The following OPRD1 variants were observed in gnomAD, a reference collection of about 807,000 sequenced individuals.
The protein encoded by OPRD1 is delta-type opioid receptor.
A neutral mutation model predicts 17.5 loss-of-function variants in OPRD1; 19 were observed. The observed-to-expected ratio is 1.09, with a 90% CI of 0.76 to 1.60. OPRD1 has a LOEUF of 1.60. Ranked by LOEUF, OPRD1 falls within the 40% of genes most tolerant of loss-of-function variation. The probability of loss-of-function intolerance (pLI) is 0.00; values close to 1 mark genes in which losing one functional copy is unlikely to be tolerated. For synonymous variants in OPRD1, 256 were observed against 240.9 expected (o/e 1.06, Z -0.58); for missense variants, 483 against 547.2 (o/e 0.88, Z 1.17).
Position 28,812,572 on chromosome 1 carries a change from G to A in OPRD1, c.189G>A (p.Gly63=). The A allele has an allele frequency of 6.4e-7, 1 of 1,574,440 alleles. No individual in the cohort carries two copies. Among genetic ancestry groups the A allele is most frequent in the Non-Finnish European group, 8.6e-7 (1 of 1,167,132 alleles). The stretch of plus-strand genomic sequence containing the variant: ...TCTACTCGGCCGTGTGCGCCGTGGG[G>A]CTGCTGGGCAACGTGCTTGTCATGT... ...TALYSAVCAV[G]LLGNVLVMFG... Residue 63 remains glycine (G), a synonymous_variant, in exon 1 of 3, where the codon GGG becomes GGA. Coordinates refer to ENST00000234961, the MANE Select transcript of OPRD1 (RefSeq NM_000911.4).
intron 1 of OPRD1, among the ~76,000 whole-genome samples, chr1:28,832,218 A>G (rs2088812871): frequency 6.6e-6 from 1 of 152,316 alleles, no homozygotes; most frequent in Non-Finnish European, 1.5e-5. Flanking sequence ...GAGCAGACTT[A>G]TTTGTAATGT....
At chr1:28,834,561 A>G (rs2088834341) in intron 1 of OPRD1, among the ~76,000 whole-genome samples, 1 of 150,920 alleles carries the variant, frequency 6.6e-6, no homozygotes, top group African/African-American at 2.4e-5. Context: ...TAAATTTTTG[A>G]TAAAGATAAG....
chr1:28,850,010 T>G lies in OPRD1; in HGVS notation c.228-8944T>G, dbSNP rs563951067. The stretch of plus-strand genomic sequence containing the variant: ...TTCTCCTGCCTCAGCCTCCAGAGTA[T>G]CTGGGACTACAGGTGCCCGCCACTA... On this transcript the variant is annotated intron_variant, in intron 1 of 2. Transcript: ENST00000234961. Among the ~76,000 whole-genome samples the G allele has an allele frequency of 4.0e-5, 6 of 150,502 alleles. No homozygotes were observed. The East Asian group carries it at 1.2e-3, about 30-fold the overall frequency.
intron 1 of OPRD1, among the ~76,000 whole-genome samples, chr1:28,841,274 G>A (rs1353250881): frequency 6.6e-6 from 1 of 152,264 alleles, no homozygotes; most frequent in Non-Finnish European, 1.5e-5. Flanking sequence ...ACCAGAGCCG[G>A]GTTGGGGAAT....
At chr1:28,824,152 C>T (rs1400763454) in intron 1 of OPRD1, among the ~76,000 whole-genome samples, 1 of 140,292 alleles carries the variant, frequency 7.1e-6, no homozygotes, top group Non-Finnish European at 1.5e-5. Context: ...GCACTCCAGT[C>T]TGGGTGACAG....
At chr1:28,838,893 T>A (rs971404261) in intron 1 of OPRD1, among the ~76,000 whole-genome samples, 1 of 152,140 alleles carries the variant, frequency 6.6e-6, no homozygotes, top group South Asian at 2.1e-4. Context: ...CTCCTTGGGC[T>A]GCCCTTTTTT....
chr1:28,835,395 T>C (rs984278037), intron 1 of OPRD1, among the ~76,000 whole-genome samples: 10 of 152,240 alleles, frequency 6.6e-5, no homozygotes, highest in African/African-American at 2.4e-4. Context: ...GATTTCTCTG[T>C]TCCAGCCTTT....
intron 1 of OPRD1, among the ~76,000 whole-genome samples, chr1:28,812,820 G>C (rs1008982835): frequency 6.6e-5 from 10 of 152,218 alleles, no homozygotes; most frequent in Non-Finnish European, 1.0e-4. Context: ...GTGGTGCGGG[G>C]GGGGGAGTGC....
At chr1:28,842,480 T>C (rs1423115622) in intron 1 of OPRD1, among the ~76,000 whole-genome samples, 1 of 152,202 alleles carries the variant, frequency 6.6e-6, no homozygotes, top group East Asian at 1.9e-4. Context: ...CAAGTGTGGA[T>C]TGAATGTGGC....
At chr1:28,862,589 G>A (rs1483009195) in intron 2 of OPRD1, among the ~76,000 whole-genome samples, 153 bp from the exon 3 acceptor site, 1 of 152,226 alleles carries the variant, frequency 6.6e-6, no homozygotes, top group African/African-American at 2.4e-5. Context: ...CGAAGCCGAG[G>A]AGGACACTCC....
intron 1 of OPRD1, among the ~76,000 whole-genome samples, chr1:28,822,266 A>G (rs1386736929): frequency 2.0e-5 from 3 of 151,996 alleles, no homozygotes; most frequent in Admixed American, 6.6e-5. Context: ...TATTTCTATA[A>G]GGAATTTTCC....
chr1:28,856,972 G>A (rs530559251), intron 1 of OPRD1, among the ~76,000 whole-genome samples: 21 of 152,202 alleles, frequency 1.4e-4, no homozygotes, highest in African/African-American at 4.1e-4. Context: ...GGATGGAGCC[G>A]CAGGAAGGAC....
At chr1:28,846,881 TCTTTCTTTCTTTTC>T (rs1415961962) in intron 1 of OPRD1, among the ~76,000 whole-genome samples, 2 of 57,244 alleles carry the variant, frequency 3.5e-5, no homozygotes, top group African/African-American at 7.6e-5. Flanking sequence ...TTTCTTTCTT[TCTTTCTTTCTTTTC>T]TCTTTCTTTC....
chr1:28,822,160 A>G (rs2088719960), intron 1 of OPRD1, among the ~76,000 whole-genome samples: 1 of 151,850 alleles, frequency 6.6e-6, no homozygotes, highest in Non-Finnish European at 1.5e-5. Flanking sequence ...CATGTTGGTC[A>G]TGCTGGTCTC....
chr1:28,833,803 A>G (rs1356612511), intron 1 of OPRD1, among the ~76,000 whole-genome samples: 1 of 152,126 alleles, frequency 6.6e-6, no homozygotes, highest in African/African-American at 2.4e-5. Context: ...CATCTACCAA[A>G]TGCCGTGGTA....
intron 1 of OPRD1, among the ~76,000 whole-genome samples, chr1:28,832,183 AGGGATTG>A (rs1340015459): frequency 6.6e-6 from 1 of 152,206 alleles, no homozygotes; most frequent in Non-Finnish European, 1.5e-5. Flanking sequence ...TGATACAGCC[AGGGATTG>A]GGAGAGGCTG....
chr1:28,846,870 CT>C (rs374932083), intron 1 of OPRD1, among the ~76,000 whole-genome samples: 12 of 75,220 alleles, frequency 1.6e-4, no homozygotes, highest in Non-Finnish European at 3.2e-5. Flanking sequence ...TTCTTTCTTT[CT>C]TTCTTTCTTT....
At chr1:28,851,700 CG>C (rs1246425063) in intron 1 of OPRD1, among the ~76,000 whole-genome samples, 1 of 151,130 alleles carries the variant, frequency 6.6e-6, no homozygotes, top group Non-Finnish European at 1.5e-5. Flanking sequence ...GAAGCAACCC[CG>C]TCTCTACTAA....
chr1:28,839,657 G>GC (rs1251069451), intron 1 of OPRD1, among the ~76,000 whole-genome samples: 2 of 152,060 alleles, frequency 1.3e-5, no homozygotes, highest in African/African-American at 4.8e-5. Context: ...TAGGTCTCTT[G>GC]CCCCCACCTT....
Sources: allele counts gnomAD v4.1 joint callset (sites outside exome capture counted in the v4.1 genomes callset), GRCh38; gene constraint gnomAD v4.1.1; transcripts MANE v1.5; gene names NCBI Gene and HGNC (gene_info 2026-07-23, HGNC 2026-07-21).